Variants in MARVELD3 observed in about 807,000 individuals in gnomAD.
MARVELD3 encodes MARVEL domain-containing protein 3.
Under a neutral mutation model 33.5 loss-of-function variants are expected in MARVELD3, and 28 were observed. The observed-to-expected ratio is 0.84, with a 90% CI of 0.62 to 1.15. The LOEUF is 1.15. Among genes scored for constraint, MARVELD3 ranks in the 50% most tolerant of loss-of-function variants. The pLI is 0.00. For missense variants in MARVELD3, 582 were observed against 547.6 expected (o/e 1.06, Z -0.63); for synonymous variants, 241 against 230.4 (o/e 1.05, Z -0.42).
downstream of MARVELD3, chr16:71,637,902 T>G (rs1458118894): frequency 1.3e-5 from 2 of 152,330 alleles, no homozygotes; most frequent in Non-Finnish European, 1.5e-5. Flanking sequence ...TGTTGTTAAC[T>G]TCCCACAGTA....
Position 71,626,493 on chromosome 16 carries a change from C to T in MARVELD3, c.264C>T (p.Gly88=), listed in dbSNP as rs1162453946. The change falls in exon 1 of 3, where the codon GGC becomes GGT. Residue 88 remains glycine, a synonymous_variant. Transcript: ENST00000268485. This position sits in a 1 kb window ranked among gnomAD's most constrained non-coding sequence, Gnocchi z 5.3. ...ERERERDPDR[G]PRRDTHRDAG... ...AGAGGGAAAGAGACCCGGACCGAGG[C>T]CCCCGCCGGGACACACACAGGGACG... The T allele has an allele frequency of 2.6e-6, 4 of 1,549,634 alleles. No individual in the cohort carries two copies. Among genetic ancestry groups the T allele is most frequent in the East Asian group, 2.4e-5 (1 of 40,898 alleles).
downstream of MARVELD3, chr16:71,638,260 GT>G (rs1392617840): frequency 2.0e-5 from 3 of 152,320 alleles, no homozygotes; most frequent in East Asian, 5.8e-4. Context: ...CCATTTGTGG[GT>G]TCCTTTCAGT....
In MARVELD3 at chr16:71,635,377, A is replaced by G; in HGVS notation, c.*574A>G. 2 of 985,778 alleles carry G rather than the reference A, an allele frequency of 2.0e-6. No individual in the cohort carries two copies. Among genetic ancestry groups the G allele is most frequent in the Non-Finnish European group, 2.4e-6 (2 of 830,414 alleles). 61.1% of individuals were successfully genotyped at this position (985,778 alleles called of 1,614,324 possible). A position where few individuals can be genotyped will look rare whatever the true frequency, so the allele number is the denominator to read the frequency against. On this transcript the variant is annotated 3_prime_UTR_variant, in exon 3 of 3. Transcript: ENST00000268485. ...CTGGACCCCAAGAGCCACAAGGAAA[A>G]AGCATGTACTACAACAGAGTGCACC...
chr16:71,630,036 G>A (rs2044513065), intron 2 of MARVELD3, among the ~76,000 whole-genome samples: 1 of 150,240 alleles, frequency 6.7e-6, no homozygotes, highest in African/African-American at 2.5e-5. Context: ...GAGCCCAGGA[G>A]TTTGAGACCA....
At position 71,635,966 on chromosome 16, in the gene MARVELD3, T is replaced by C. The variant is rs2044578781; in HGVS notation, c.*1163T>C. On this transcript the variant is annotated 3_prime_UTR_variant, in exon 3 of 3. Coordinates refer to ENST00000268485, the MANE Select transcript of MARVELD3 (RefSeq NM_052858.6). The stretch of plus-strand genomic sequence containing the variant: ...ATTGTGTGAAGCATTAAACCCAACA[T>C]CTAGAATTCAGGATTCATCCAGAAT... 1.0e-6 allele frequency: 1 copy of C among 985,392 alleles called. No homozygotes were observed. 61.0% of individuals were successfully genotyped at this position (985,392 alleles called of 1,614,324 possible).
chr16:71,637,847 T>A (rs796827968), downstream of MARVELD3: 1 of 152,186 alleles, frequency 6.6e-6, no homozygotes, highest in South Asian at 2.1e-4. Flanking sequence ...CATTTGTACA[T>A]TATTTTATTT....
At chr16:71,640,587 C>A, downstream of MARVELD3, 1 of 1,614,192 alleles carries the variant, frequency 6.2e-7, no homozygotes, top group South Asian at 1.1e-5. Context: ...CCTCCGCTCG[C>A]CCCTGATATA....
intron 2 of MARVELD3, among the ~76,000 whole-genome samples, chr16:71,630,102 A>T (rs2044518434): frequency 6.6e-6 from 1 of 150,942 alleles, no homozygotes; most frequent in African/African-American, 2.4e-5. Flanking sequence ...AAAAAAGGGA[A>T]AAAGGCTGGC....
downstream of MARVELD3, chr16:71,641,246 A>C (rs1245111015): frequency 3.6e-6 from 2 of 551,542 alleles, no homozygotes; most frequent in Non-Finnish European, 6.4e-6. Flanking sequence ...TGAGGTCAGC[A>C]GATTGAGTCC....
In MARVELD3 at chr16:71,629,488, G is replaced by A; in HGVS notation, c.589G>A (p.Gly197Arg). 6.4e-7 allele frequency: 1 copy of A among 1,568,636 alleles called. No homozygotes were observed. The highest frequency in any genetic ancestry group is 2.0e-5 in the Admixed American group (1 of 50,706). Residue 197 changes from glycine (G) to arginine (R), a missense_variant, in exon 2 of 3, where the codon GGG becomes AGG. Coordinates refer to ENST00000268485, the MANE Select transcript of MARVELD3 (RefSeq NM_052858.6). ...ECHKCKYLCTGRACCQMLEVL... is the reference protein window; with the variant it reads ...ECHKCKYLCTRRACCQMLEVL... ...CCACAAATGCAAATACTTGTGCACT[G>A]GGAGAGGTGAGCCGTTTTGCAGGCT...
intron 1 of MARVELD3, among the ~76,000 whole-genome samples, chr16:71,628,884 C>T (rs1324318553): frequency 6.6e-6 from 1 of 152,156 alleles, no homozygotes; most frequent in Non-Finnish European, 1.5e-5. Context: ...AATGCTAGGG[C>T]TGCCAGAGGA....
downstream of MARVELD3, chr16:71,639,446 C>CTTTTTTT (rs34291219): frequency 9.1e-6 from 1 of 109,828 alleles, no homozygotes; most frequent in African/African-American, 3.7e-5. Flanking sequence ...GATTTCATTC[C>CTTTTTTT]TTTTTTTTTT....
chr16:71,634,273 T>G lies in MARVELD3; in HGVS notation c.676T>G (p.Tyr226Asp), dbSNP rs2044560358. Residue 226 changes from tyrosine (Y) to aspartate (D), a missense_variant, in exon 3 of 3, where the codon TAC (tyrosine) becomes GAC (aspartate). Coordinates refer to ENST00000268485, the MANE Select transcript of MARVELD3 (RefSeq NM_052858.6). ...TGTGTCTTACAGTTCCACAGGGGGCTACACGGGCATCACCAGCTTGGGGGG... is the reference window on the plus strand; with the variant it reads ...TGTGTCTTACAGTTCCACAGGGGGCGACACGGGCATCACCAGCTTGGGGGG... Reference protein sequence around the residue: ...SSVSYSSTGGYTGITSLGGIY... With the variant: ...SSVSYSSTGGDTGITSLGGIY... 1 of 1,614,090 alleles carries G rather than the reference T, an allele frequency of 6.2e-7. No homozygotes were observed. Among genetic ancestry groups the G allele is most frequent in the Non-Finnish European group, 8.5e-7 (1 of 1,180,042 alleles).
downstream of MARVELD3, among the ~76,000 whole-genome samples, chr16:71,639,722 C>T (rs1964868152): frequency 6.6e-6 from 1 of 152,032 alleles, no homozygotes; most frequent in Non-Finnish European, 1.5e-5. Flanking sequence ...GCTGAGATTA[C>T]AGGCGTGAGC....
At chr16:71,640,464 G>A, downstream of MARVELD3, 1 of 1,614,112 alleles carries the variant, frequency 6.2e-7, no homozygotes, top group Non-Finnish European at 8.5e-7. Flanking sequence ...CTTTGTCCTT[G>A]CCGGATTCAG....
intron 1 of MARVELD3, among the ~76,000 whole-genome samples, chr16:71,628,770 T>C (rs957333248): frequency 6.6e-6 from 1 of 152,050 alleles, no homozygotes; most frequent in Non-Finnish European, 1.5e-5. Flanking sequence ...AGACATGATG[T>C]TCTAGAAAGA....
downstream of MARVELD3, chr16:71,636,594 T>C (rs1341586755): frequency 2.0e-5 from 3 of 152,160 alleles, no homozygotes; most frequent in Non-Finnish European, 4.4e-5. Flanking sequence ...TTTTATTTTT[T>C]TATTTCTTAT....
downstream of MARVELD3, among the ~76,000 whole-genome samples, chr16:71,636,780 G>C (rs2044584496): frequency 6.6e-6 from 1 of 152,100 alleles, no homozygotes; most frequent in Admixed American, 6.5e-5. Context: ...TAGTAGAGAT[G>C]GGGTTTCACC....
intron 1 of MARVELD3, 37 bp from the exon 2 acceptor site, chr16:71,629,330 A>G: frequency 6.6e-7 from 1 of 1,510,452 alleles, no homozygotes; most frequent in South Asian, 1.4e-5. Flanking sequence ...ATTGAATGAG[A>G]CACCCCCTAA....
Sources: allele counts gnomAD v4.1 joint callset (sites outside exome capture counted in the v4.1 genomes callset), GRCh38; gene constraint gnomAD v4.1.1; non-coding constraint Gnocchi (gnomAD v3.1); transcripts MANE v1.5; gene names NCBI Gene and HGNC (gene_info 2026-07-23, HGNC 2026-07-21).